Variants in OTOP2 observed in about 807,000 individuals in gnomAD.
OTOP2 encodes proton channel OTOP2.
In OTOP2, 41 loss-of-function variants were observed where a neutral mutation model predicts 47.4. The ratio of observed to expected loss-of-function variants is 0.87; its 90% CI spans 0.67 to 1.12. The LOEUF (loss-of-function observed/expected upper bound fraction) is 1.12, where lower values mean the gene tolerates loss of function less well. OTOP2 is among the 50% of genes most tolerant of loss of function. OTOP2 has a pLI of 0.00. For missense variants in OTOP2, 721 were observed against 752.2 expected (o/e 0.96, Z 0.49); for synonymous variants, 328 against 319.6 (o/e 1.03, Z -0.28).
At chr17:74,926,866 C>T (rs1437833260) in intron 3 of OTOP2, among the ~76,000 whole-genome samples, 2 of 152,016 alleles carry the variant, frequency 1.3e-5, no homozygotes, top group East Asian at 3.9e-4. Context: ...AGCGATTCTC[C>T]TGCCTCAGCC....
chr17:74,932,158 T>C (rs1034325842), intron 6 of OTOP2, among the ~76,000 whole-genome samples: 4 of 152,072 alleles, frequency 2.6e-5, no homozygotes, highest in African/African-American at 7.3e-5. Flanking sequence ...CCTATGTGGG[T>C]ACATCTCAAA....
Position 74,930,206 on chromosome 17 carries a change from G to T in OTOP2, c.644-73G>T. 7 of 1,476,032 alleles carry T rather than the reference G, an allele frequency of 4.7e-6. No homozygotes were observed. The highest frequency in any genetic ancestry group is 6.3e-6 in the Non-Finnish European group (7 of 1,103,436). The allele number at this position is 1,476,032 out of a possible 1,614,324, so 91.4% of individuals were successfully genotyped here. ...CTCAAAACAAAACAAAAAAAAAAAG[G>T]TCACAGGCTAGGGGTGAGACCTCTC... is the stretch of plus-strand genomic sequence containing the variant. On this transcript the variant is annotated intron_variant, in intron 5 of 6. Coordinates refer to ENST00000331427, the MANE Select transcript of OTOP2 (RefSeq NM_178160.3). The surrounding 1 kb of genome is among the most constrained non-coding windows in gnomAD (Gnocchi z 4.0).
chr17:74,931,760 C>A (rs2039060978), intron 6 of OTOP2, among the ~76,000 whole-genome samples: 1 of 152,138 alleles, frequency 6.6e-6, no homozygotes, highest in Non-Finnish European at 1.5e-5. Flanking sequence ...CGAGACCAGC[C>A]TGGCCAACAG....
At position 74,924,987 on chromosome 17, in the gene OTOP2, G is replaced by A. The variant is rs899827798; in HGVS notation, c.313+42G>A. 1 of 1,508,908 alleles carries A rather than the reference G, an allele frequency of 6.6e-7. No individual in the cohort carries two copies. The highest frequency in any genetic ancestry group is 2.1e-5 in the Admixed American group (1 of 48,486). The allele number at this position is 1,508,908 out of a possible 1,614,324, so 93.5% of individuals were successfully genotyped here. ...GGGCGAGGTAGGGTGGGCACAACAG[G>A]GAGCTGCAGGCTAGGGCTCTCGCAG... On this transcript the variant is annotated intron_variant, in intron 2 of 6. Transcript: ENST00000331427. The surrounding 1 kb of genome is among the most constrained non-coding windows in gnomAD (Gnocchi z 7.7).
chr17:74,924,849 G>A lies in OTOP2; in HGVS notation c.217G>A (p.Ala73Thr). 6.2e-7 allele frequency: 1 copy of A among 1,608,684 alleles called. No homozygotes were observed. The highest frequency in any genetic ancestry group is 1.1e-5 in the South Asian group (1 of 90,002). ...GCTGCTCACTGCGATGATGCTGCTG[G>A]CAACGCTCTGGATCCTCTTCTACCT... is the stretch of plus-strand genomic sequence containing the variant. ...FALLTAMMLL[A>T]TLWILFYLLR... Residue 73 changes from alanine (A) to threonine (T), a missense_variant, in exon 2 of 7, where the codon GCA becomes ACA. By Grantham distance (58) the Ala-to-Thr change is moderately conservative (BLOSUM62 0). Coordinates refer to ENST00000331427, the MANE Select transcript of OTOP2 (RefSeq NM_178160.3). The surrounding 1 kb of genome is among the most constrained non-coding windows in gnomAD (Gnocchi z 7.7).
intron 3 of OTOP2, 103 bp downstream of exon 3, chr17:74,925,795 C>T: frequency 6.6e-7 from 1 of 1,511,722 alleles, no homozygotes; most frequent in Non-Finnish European, 9.0e-7. Flanking sequence ...CGCCTCGTAT[C>T]CTGAGCTATT....
chr17:74,925,065 C>A, intron 2 of OTOP2, 120 bp downstream of exon 2: 1 of 1,244,946 alleles, frequency 8.0e-7, no homozygotes, highest in Non-Finnish European at 1.1e-6. Flanking sequence ...CTAGGGAGGA[C>A]CAGGAGGACC....
intron 6 of OTOP2, 94 bp downstream of exon 6, chr17:74,931,247 C>T: frequency 6.9e-7 from 1 of 1,454,090 alleles, no homozygotes. Context: ...TCTGTCTTGC[C>T]CCCAGCCCGC....
rs2038993655 is a variant in OTOP2 at position 74,924,984 on chromosome 17, C to G, written c.313+39C>G. 1 of 1,507,274 alleles carries G rather than the reference C, an allele frequency of 6.6e-7. No individual in the cohort carries two copies. Among genetic ancestry groups the G allele is most frequent in the Admixed American group, 2.1e-5 (1 of 48,042 alleles). 93.4% of individuals were successfully genotyped at this position (1,507,274 alleles called of 1,614,324 possible). Reference sequence around the variant, plus strand: ...TGGGGGCGAGGTAGGGTGGGCACAACAGGGAGCTGCAGGCTAGGGCTCTCG... The same window carrying G: ...TGGGGGCGAGGTAGGGTGGGCACAAGAGGGAGCTGCAGGCTAGGGCTCTCG... On this transcript the variant is annotated intron_variant, in intron 2 of 6. Transcript: ENST00000331427. This position sits in a 1 kb window ranked among gnomAD's most constrained non-coding sequence, Gnocchi z 7.7.
In OTOP2 at chr17:74,933,519, CT is replaced by C. The variant is rs763343642; in HGVS notation, c.1664del (p.Leu555ArgfsTer34). On this transcript the variant is annotated frameshift_variant, in exon 7 of 7. Transcript: ENST00000331427. LOFTEE classifies it high-confidence loss of function. This position sits in a 1 kb window ranked among gnomAD's most constrained non-coding sequence, Gnocchi z 4.7. The part of the protein sequence containing the change: ...IFYRMHAVSS[L>X]LEVYVLS ...CTACCGCATGCACGCTGTGTCCAGC[CT>C]GCTGGAGGTCTACGTGCTGTCCTGA... 104 of 1,613,010 alleles carry C rather than the reference CT, an allele frequency of 6.4e-5. No individual in the cohort carries two copies. The highest frequency in any genetic ancestry group is 8.8e-5 in the Non-Finnish European group (104 of 1,179,252).
Position 74,930,828 on chromosome 17 carries a change from T to C in OTOP2, c.1193T>C (p.Leu398Pro), listed in dbSNP as rs1212776247. The C allele has an allele frequency of 1.2e-6, 2 of 1,614,006 alleles. No homozygotes were observed. Among genetic ancestry groups the C allele is most frequent in the Non-Finnish European group, 1.7e-6 (2 of 1,180,034 alleles). The change falls in exon 6 of 7, where the codon CTG (leucine) becomes CCG (proline). Residue 398 changes from leucine (L) to proline (P), a missense_variant. Transcript: ENST00000331427. This position sits in a 1 kb window ranked among gnomAD's most constrained non-coding sequence, Gnocchi z 4.0. Reference protein sequence around the residue: ...VAVVAGTPQDLLAGLNLTHAL... With the variant: ...VAVVAGTPQDPLAGLNLTHAL... ...GTGGTGGCGGGCACACCCCAGGACC[T>C]GCTGGCAGGGCTCAACCTCACCCAT...
Position 74,927,246 on chromosome 17 carries a change from T to C in OTOP2, c.474T>C (p.Ala158=), listed in dbSNP as rs2039015783. 2 of 1,613,646 alleles carry C rather than the reference T, an allele frequency of 1.2e-6. No homozygotes were observed. Among genetic ancestry groups the C allele is most frequent in the Non-Finnish European group, 1.7e-6 (2 of 1,179,556 alleles). ...IIQTYFLWVS[A]KDCVHVHLDL... is the part of the protein sequence containing the mutation. ...AGACCTACTTTCTCTGGGTCTCTGC[T>C]AAAGACTGCGTTCACGTCCACCTGG... The change falls in exon 4 of 7, where the codon GCT becomes GCC. Residue 158 remains alanine, a synonymous_variant. Coordinates refer to ENST00000331427, the MANE Select transcript of OTOP2 (RefSeq NM_178160.3).
chr17:74,927,095 T>G (rs2039014202), intron 3 of OTOP2, 128 bp from the exon 4 acceptor site: 2 of 911,216 alleles, frequency 2.2e-6, no homozygotes, highest in African/African-American at 3.3e-5. Context: ...TTTGTGAAGC[T>G]AAAATGAACC....
In OTOP2 at chr17:74,924,623, C is replaced by T. The variant is rs777555340; in HGVS notation, c.-10C>T. 4 of 1,553,286 alleles carry T rather than the reference C, an allele frequency of 2.6e-6. No homozygotes were observed. Among genetic ancestry groups the T allele is most frequent in the South Asian group, 1.2e-5 (1 of 83,164 alleles). ...AGTGATCCCTCTAGCCTTCTCCAGT[C>T]GCCTCCGCCATGTCCGAGGAGCTGG... On this transcript the variant is annotated 5_prime_UTR_variant, in exon 2 of 7. Transcript: ENST00000331427. This position sits in a 1 kb window ranked among gnomAD's most constrained non-coding sequence, Gnocchi z 7.7.
chr17:74,932,165 C>G (rs1021869103), intron 6 of OTOP2, among the ~76,000 whole-genome samples: 1 of 151,926 alleles, frequency 6.6e-6, no homozygotes, highest in Non-Finnish European at 1.5e-5. Context: ...GGGTACATCT[C>G]AAAGAGAAAA....
chr17:74,932,779 C>T lies in OTOP2; in HGVS notation c.1519-596C>T, dbSNP rs576589009. Among the ~76,000 whole-genome samples the T allele has an allele frequency of 3.3e-5, 5 of 152,316 alleles. No individual in the cohort carries two copies. The South Asian group carries it at 1.0e-3, about 32-fold the overall frequency. On this transcript the variant is annotated intron_variant, in intron 6 of 6. Transcript: ENST00000331427. ...AATCAGGGGTAGGGGTGGAGCTAGC[C>T]TAGAAACCTTTGTTCTTTGCTTCTT...
At chr17:74,931,847 T>C (rs946272315) in intron 6 of OTOP2, among the ~76,000 whole-genome samples, 1 of 150,840 alleles carries the variant, frequency 6.6e-6, no homozygotes, top group African/African-American at 2.4e-5. Context: ...TCTCAGCTAC[T>C]TGGGAGGTTG....
At position 74,927,284 on chromosome 17, in the gene OTOP2, G is replaced by A. The variant is rs1329077894; in HGVS notation, c.509+3G>A. The A allele has an allele frequency of 6.2e-7, 1 of 1,611,856 alleles. No homozygotes were observed. The highest frequency in any genetic ancestry group is 8.5e-7 in the Non-Finnish European group (1 of 1,178,190). Reference sequence around the variant, plus strand: ...CACGTCCACCTGGATCTGACCTGGTGAGAACTGCAGCTCGATGCCTGTACC... The same window carrying A: ...CACGTCCACCTGGATCTGACCTGGTAAGAACTGCAGCTCGATGCCTGTACC... On this transcript the variant is annotated splice_donor_region_variant and intron_variant, in intron 4 of 6. Transcript: ENST00000331427.
In OTOP2 at chr17:74,924,917, C is replaced by T. The variant is rs762709751; in HGVS notation, c.285C>T (p.Asp95=). The change falls in exon 2 of 7, where the codon GAC becomes GAT. Residue 95 remains aspartate (D), a synonymous_variant. Coordinates refer to ENST00000331427, the MANE Select transcript of OTOP2 (RefSeq NM_178160.3). This position sits in a 1 kb window ranked among gnomAD's most constrained non-coding sequence, Gnocchi z 7.7. ...GCCCCTGCGCGGTACCCTACCGGGA[C>T]GCGCACGCTGGCCCCATCTGGCTCC... The part of the protein sequence containing the change: ...VRCPCAVPYR[D]AHAGPIWLRG... 7.6e-6 allele frequency: 12 copies of T among 1,579,762 alleles called. No individual in the cohort carries two copies. The Admixed American group carries it at 1.1e-4, about 15-fold the overall frequency.
Sources: allele counts gnomAD v4.1 joint callset (sites outside exome capture counted in the v4.1 genomes callset), GRCh38; gene constraint gnomAD v4.1.1; non-coding constraint Gnocchi (gnomAD v3.1); transcripts MANE v1.5; gene names NCBI Gene and HGNC (gene_info 2026-07-23, HGNC 2026-07-21).